Variants in PEAK1 observed in about 807,000 individuals in gnomAD.
PEAK1 encodes pseudopodium enriched atypical kinase 1.
In PEAK1, 54 loss-of-function variants were observed where a neutral mutation model predicts 124.7. That is an observed-to-expected ratio of 0.43 (90% CI 0.35 to 0.54). PEAK1 has a LOEUF of 0.54. PEAK1 is among the 20% of genes least tolerant of loss of function. The probability of loss-of-function intolerance (pLI) is 0.01; values close to 1 mark genes in which losing one functional copy is unlikely to be tolerated. For synonymous variants in PEAK1, 719 were observed against 760.0 expected (o/e 0.95, Z 0.89); for missense variants, 2,046 against 2,134.5 (o/e 0.96, Z 0.82).
intron 2 of PEAK1, chr15:77,346,583 G>A: frequency 1.0e-6 from 1 of 985,224 alleles, no homozygotes; most frequent in Non-Finnish European, 1.2e-6. Flanking sequence ...CATCTCAAGA[G>A]GTTTTTCCCT....
At chr15:77,252,625 C>A in intron 5 of PEAK1, 99 bp from the exon 6 acceptor site, 1 of 665,876 alleles carries the variant, frequency 1.5e-6, no homozygotes, top group Non-Finnish European at 1.9e-6. Flanking sequence ...CCTCACTCAA[C>A]AGTTATAATT....
rs2073158273 is a variant in PEAK1 at position 77,419,294 on chromosome 15, A to C, written c.-666+712T>G. ...AATCAAGCTCCCAGACGGATGGTGC[A>C]TGCGACGAGAGGGGAGGGGGCAGAC... On this transcript the variant is annotated intron_variant, in intron 1 of 9. Coordinates refer to ENST00000682557, the MANE Select transcript of PEAK1 (RefSeq NM_001385026.1). 1.3e-5 allele frequency: 13 copies of C among 985,302 alleles called. No individual in the cohort carries two copies. The South Asian group carries it at 3.8e-4, about 28-fold the overall frequency. The allele number at this position is 985,302 out of a possible 1,614,324, so 61.0% of individuals were successfully genotyped here. A position where few individuals can be genotyped will look rare whatever the true frequency, so the allele number is the denominator to read the frequency against.
chr15:77,395,666 G>A (rs534698489), intron 1 of PEAK1, among the ~76,000 whole-genome samples: 2 of 152,028 alleles, frequency 1.3e-5, no homozygotes, highest in South Asian at 4.2e-4. Context: ...TATTTAAAGT[G>A]CTTAAGGAAA....
intron 7 of PEAK1, among the ~76,000 whole-genome samples, chr15:77,162,408 C>T (rs2055734603): frequency 1.4e-5 from 2 of 146,630 alleles, no homozygotes; most frequent in Non-Finnish European, 3.0e-5. Flanking sequence ...GCAGAAGAAT[C>T]GCTTGAACCT....
intron 5 of PEAK1, among the ~76,000 whole-genome samples, chr15:77,270,228 A>T (rs895512591): frequency 2.0e-5 from 3 of 152,148 alleles, no homozygotes; most frequent in Admixed American, 6.6e-5. Context: ...CAAGACAGGG[A>T]TGCCCTCTCT....
chr15:77,115,417 C>A (rs571319481), intron 9 of PEAK1, 98 bp from the exon 10 acceptor site: 4 of 1,110,312 alleles, frequency 3.6e-6, no homozygotes, highest in Non-Finnish European at 5.1e-6. Context: ...TAGGGACAAA[C>A]GATCATATAG....
intron 6 of PEAK1, among the ~76,000 whole-genome samples, chr15:77,205,607 G>A (rs1359867575): frequency 6.6e-6 from 1 of 152,164 alleles, no homozygotes; most frequent in Non-Finnish European, 1.5e-5. Flanking sequence ...ATCTTTGGTT[G>A]TGGCAGTCCT....
At position 77,179,523 on chromosome 15, in the gene PEAK1, C is replaced by T; in HGVS notation, c.2404G>A (p.Asp802Asn). Residue 802 changes from aspartate (D) to asparagine (N), a missense_variant, in exon 7 of 10, where the codon GAT becomes AAT. Asp to Asn is a conservative substitution (Grantham distance 23). Transcript: ENST00000682557. ...GGTGTGCTCTTAGCAACATCAGCAT[C>T]TGGAGGAATGGCATAAAGCTCTTCC... ...SVEELYAIPP[D>N]ADVAKSTPKS... 6.2e-7 allele frequency: 1 copy of T among 1,614,140 alleles called. No individual in the cohort carries two copies. The highest frequency in any genetic ancestry group is 8.5e-7 in the Non-Finnish European group (1 of 1,180,004).
At chr15:77,107,235 C>T (rs2050764900), downstream of PEAK1, 1 of 152,340 alleles carries the variant, frequency 6.6e-6, no homozygotes, top group Non-Finnish European at 1.5e-5. Flanking sequence ...AAGCAGGCTA[C>T]ACAGCTGCAG....
At chr15:77,262,372 A>G (rs1356539328) in intron 5 of PEAK1, among the ~76,000 whole-genome samples, 1 of 152,078 alleles carries the variant, frequency 6.6e-6, no homozygotes, top group East Asian at 1.9e-4. Context: ...CCCATCTCAC[A>G]TGCAGAGACA....
At chr15:77,137,476 A>G (rs1299245343) in intron 8 of PEAK1, among the ~76,000 whole-genome samples, 2 of 152,324 alleles carry the variant, frequency 1.3e-5, no homozygotes, top group African/African-American at 4.8e-5. Flanking sequence ...CATGTCTTGC[A>G]TCATCATGAC....
At chr15:77,413,075 T>A (rs546069804) in intron 1 of PEAK1, among the ~76,000 whole-genome samples, 41 of 152,260 alleles carry the variant, frequency 2.7e-4, no homozygotes, top group African/African-American at 9.6e-4. Context: ...GTAGAAAGAA[T>A]GAGGAAAATT....
chr15:77,327,458 A>C (rs2065645281), intron 2 of PEAK1, among the ~76,000 whole-genome samples: 1 of 152,114 alleles, frequency 6.6e-6, no homozygotes, highest in Non-Finnish European at 1.5e-5. Context: ...ATCTGTCTGT[A>C]TTTCTTTAAC....
At chr15:77,191,654 G>T (rs2057840878) in intron 6 of PEAK1, among the ~76,000 whole-genome samples, 1 of 152,226 alleles carries the variant, frequency 6.6e-6, no homozygotes, top group Non-Finnish European at 1.5e-5. Context: ...AAGAGATGCT[G>T]TCAGATTCTA....
chr15:77,374,325 A>T (rs971579166), intron 1 of PEAK1, among the ~76,000 whole-genome samples: 2 of 152,192 alleles, frequency 1.3e-5, no homozygotes, highest in African/African-American at 4.8e-5. Context: ...TATTAATTAT[A>T]AACAGAATAC....
rs537881034 is a variant in PEAK1, at chr15:77,114,518, G to A, written c.4879C>T (p.Arg1627Cys). 2.1e-5 allele frequency: 34 copies of A among 1,614,074 alleles called. No homozygotes were observed. Among genetic ancestry groups the A allele is most frequent in the Non-Finnish European group, 2.7e-5 (32 of 1,179,994 alleles). ...EREYTRADLP[R>C]IPFRSPYSRG... The stretch of plus-strand genomic sequence containing the variant: ...GAGTAGGGGGAGCGGAATGGGATGC[G>A]AGGCAGGTCTGCTCGTGTGTATTCC... The change falls in exon 10 of 10, where the codon CGC (arginine) becomes TGC (cysteine). Residue 1627 changes from arginine to cysteine, a missense_variant. By Grantham distance (180) the Arg-to-Cys change is radical (BLOSUM62 -3). Coordinates refer to ENST00000682557, the MANE Select transcript of PEAK1 (RefSeq NM_001385026.1).
chr15:77,157,133 T>C (rs951268719), intron 8 of PEAK1: 1 of 152,234 alleles, frequency 6.6e-6, no homozygotes, highest in Non-Finnish European at 1.5e-5. Flanking sequence ...TCTGGCCTTC[T>C]TAGGGACTCC....
At chr15:77,251,156 A>G (rs564055382) in intron 6 of PEAK1, among the ~76,000 whole-genome samples, 24 of 152,244 alleles carry the variant, frequency 1.6e-4, no homozygotes, top group African/African-American at 5.8e-4. Context: ...ATTAAGAGTT[A>G]TAATTGTTCA....
intron 1 of PEAK1, chr15:77,381,436 T>A (rs2069472642): frequency 1.1e-6 from 1 of 942,590 alleles, no homozygotes; most frequent in Non-Finnish European, 1.3e-6. Flanking sequence ...TTAAAAAAAA[T>A]AATTTTTTCT....
Sources: allele counts gnomAD v4.1 joint callset (sites outside exome capture counted in the v4.1 genomes callset), GRCh38; gene constraint gnomAD v4.1.1; transcripts MANE v1.5; gene names NCBI Gene and HGNC (gene_info 2026-07-23, HGNC 2026-07-21).